Variants in BCKDHA observed in about 807,000 individuals in gnomAD.
The protein encoded by BCKDHA is branched chain keto acid dehydrogenase E1 subunit alpha, also known as 2-oxoisovalerate dehydrogenase subunit alpha, mitochondrial.
Under a neutral mutation model 52.2 loss-of-function variants are expected in BCKDHA, and 43 were observed. The observed-to-expected ratio is 0.82, with a 90% confidence interval of 0.64 to 1.06. The LOEUF is 1.06. Ranked by LOEUF, BCKDHA falls within the 50% of genes least tolerant of loss-of-function variation. The pLI is 0.00. For synonymous variants in BCKDHA, 234 were observed against 247.9 expected, an observed-to-expected ratio of 0.94 and a Z score of 0.53; for missense variants, 527 against 621.3, an observed-to-expected ratio of 0.85 and a Z score of 1.61.
At chr19:41,404,629 T>C (rs902622040) in intron 1 of BCKDHA, among the ~76,000 whole-genome samples, 3 of 151,752 alleles carry the variant, frequency 2.0e-5, no homozygotes, top group African/African-American at 2.4e-5. Context: ...AGTCTCACTC[T>C]GTCACCCAGG....
intron 4 of BCKDHA, among the ~76,000 whole-genome samples, chr19:41,416,178 A>C (rs2039306044): frequency 6.6e-6 from 1 of 151,988 alleles, no homozygotes; most frequent in Admixed American, 6.6e-5. Context: ...TCCTGACCTC[A>C]AGTGATTCGT....
intron 1 of BCKDHA, among the ~76,000 whole-genome samples, chr19:41,409,260 T>C (rs1198503414): frequency 3.9e-5 from 6 of 152,210 alleles, no homozygotes; most frequent in Non-Finnish European, 5.9e-5. Flanking sequence ...GCCGAGAATG[T>C]GCTTTCCCTG....
intron 1 of BCKDHA, among the ~76,000 whole-genome samples, chr19:41,403,019 C>T (rs1333571806): frequency 6.6e-6 from 1 of 152,150 alleles, no homozygotes; most frequent in Admixed American, 6.6e-5. Flanking sequence ...GAATGTGCCT[C>T]CTCCCACCTG....
chr19:41,424,040 G>C (rs1184891184), intron 8 of BCKDHA, among the ~76,000 whole-genome samples: 4 of 151,996 alleles, frequency 2.6e-5, no homozygotes, highest in African/African-American at 9.7e-5. Flanking sequence ...AACCGTGGTG[G>C]AGTGTACATG....
intron 1 of BCKDHA, among the ~76,000 whole-genome samples, chr19:41,406,303 C>T (rs73931477): frequency 0.034 from 5,155 of 152,228 alleles, 282 homozygotes; most frequent in African/African-American, 0.12. Context: ...TCTTAGTGCC[C>T]GTCTGAAGAC....
At chr19:41,405,816 C>G (rs978520091) in intron 1 of BCKDHA, among the ~76,000 whole-genome samples, 1 of 152,242 alleles carries the variant, frequency 6.6e-6, no homozygotes. Context: ...CCACCAGGGT[C>G]ACCCCAGTAC....
At chr19:41,418,813 TACAGGCATGA>T (rs1440272695) in intron 4 of BCKDHA, 7 of 443,858 alleles carry the variant, frequency 1.6e-5, no homozygotes, top group Non-Finnish European at 2.7e-5. Context: ...GTGCTGGGAT[TACAGGCATGA>T]ACCACCATGC....
intron 1 of BCKDHA, among the ~76,000 whole-genome samples, chr19:41,405,470 G>A (rs896838539): frequency 6.6e-6 from 1 of 151,836 alleles, no homozygotes; most frequent in African/African-American, 2.4e-5. Flanking sequence ...GTAGGGATGG[G>A]GTCTTGCCAT....
chr19:41,407,927 G>A (rs114008162), intron 1 of BCKDHA, among the ~76,000 whole-genome samples: 1,989 of 150,928 alleles, frequency 0.013, 51 homozygotes, highest in African/African-American at 0.043. Flanking sequence ...GAATCTCAGC[G>A]TTGGAAGCCC....
chr19:41,398,500 G>A (rs1399819930), intron 1 of BCKDHA, among the ~76,000 whole-genome samples: 1 of 152,162 alleles, frequency 6.6e-6, no homozygotes, highest in African/African-American at 2.4e-5. Context: ...GAGAATTCGT[G>A]TGTTCTGGAC....
Position 41,406,713 on chromosome 19 carries a change from G to A in BCKDHA, c.109-3924G>A, listed in dbSNP as rs1269276569. Among the ~76,000 whole-genome samples, 5 of 152,224 alleles carry A rather than the reference G, an allele frequency of 3.3e-5. No homozygotes were observed. In the East Asian group the frequency reaches 9.7e-4, roughly 29 times the overall value. ...GCCTCCCAAGTAGCTGGGATTACAGGCACCTACCATCATGCACGGCTGTTT... is the reference window on the plus strand; with the variant it reads ...GCCTCCCAAGTAGCTGGGATTACAGACACCTACCATCATGCACGGCTGTTT... On this transcript the variant is annotated intron_variant, in intron 1 of 8. Transcript: ENST00000269980.
intron 1 of BCKDHA, among the ~76,000 whole-genome samples, chr19:41,402,198 C>G (rs10409251): frequency 0.026 from 3,928 of 152,238 alleles, 166 homozygotes; most frequent in African/African-American, 0.089. Context: ...TTACCTCCCA[C>G]TGGCTCCTTC....
Position 41,424,604 on chromosome 19 carries a change from A to G in BCKDHA, c.1334A>G (p.Lys445Arg). The change falls in exon 9 of 9, where the codon AAG becomes AGG. Residue 445 changes from lysine (K) to arginine (R), a missense_variant. Lys to Arg is a conservative substitution (Grantham distance 26). Coordinates refer to ENST00000269980, the MANE Select transcript of BCKDHA (RefSeq NM_000709.4). ...CACTACCCACTGGATCACTTCGATAAGTGAGACCTGCTCAGCCCACCCCCA... is the reference window on the plus strand; with the variant it reads ...CACTACCCACTGGATCACTTCGATAGGTGAGACCTGCTCAGCCCACCCCCA... ...GEHYPLDHFD[K>R] 1 of 1,597,836 alleles carries G rather than the reference A, an allele frequency of 6.3e-7. No individual in the cohort carries two copies. Among genetic ancestry groups the G allele is most frequent in the East Asian group, 2.2e-5 (1 of 44,642 alleles).
chr19:41,405,618 T>A (rs1239580868), intron 1 of BCKDHA, among the ~76,000 whole-genome samples: 1 of 152,088 alleles, frequency 6.6e-6, no homozygotes. Context: ...AGAGACGAGG[T>A]CTCACTATGT....
At position 41,411,096 on chromosome 19, in the gene BCKDHA, A is replaced by C. The variant is rs534878617; in HGVS notation, c.375+87A>C. ...TGGGCCAAAGGAATGGCTCCCAAGG[A>C]GGACAGATTCTTTTTTGGGGGGGTT... On this transcript the variant is annotated intron_variant, in intron 3 of 8. Transcript: ENST00000269980. 32 of 1,431,074 alleles carry C rather than the reference A, an allele frequency of 2.2e-5. No individual in the cohort carries two copies. In the South Asian group the frequency reaches 3.6e-4, roughly 16 times the overall value. The allele number at this position is 1,431,074 out of a possible 1,614,324, so 88.6% of individuals were successfully genotyped here.
rs769454582 is a variant in BCKDHA, at chr19:41,422,918, C to T, written c.996-80C>T. The T allele has an allele frequency of 3.2e-6, 5 of 1,571,314 alleles. No individual in the cohort carries two copies. In the South Asian group the frequency reaches 3.4e-5, roughly 11 times the overall value. Reference sequence around the variant, plus strand: ...TTTATTCCGTTTCCACTCCTCCTTCCCTAGTTCATCCCCCATCCTCCCTCC... The same window carrying T: ...TTTATTCCGTTTCCACTCCTCCTTCTCTAGTTCATCCCCCATCCTCCCTCC... On this transcript the variant is annotated intron_variant, in intron 7 of 8. Coordinates refer to ENST00000269980, the MANE Select transcript of BCKDHA (RefSeq NM_000709.4).
rs779148114 is a variant in BCKDHA at position 41,414,163 on chromosome 19, T to TC, written c.484+7dup. The TC allele has an allele frequency of 1.2e-6, 2 of 1,613,004 alleles. No homozygotes were observed. The highest frequency in any genetic ancestry group is 1.7e-6 in the Non-Finnish European group (2 of 1,179,642). ...TGGCCAGTACCGGGAGGCAGGTACG[T>TC]CTGTCCGTGGTTTGGCCCTGTGGTC... On this transcript the variant is annotated splice_region_variant and intron_variant, in intron 4 of 8. Coordinates refer to ENST00000269980, the MANE Select transcript of BCKDHA (RefSeq NM_000709.4).
At chr19:41,405,914 C>A (rs1403566494) in intron 1 of BCKDHA, among the ~76,000 whole-genome samples, 2 of 152,208 alleles carry the variant, frequency 1.3e-5, no homozygotes, top group African/African-American at 4.8e-5. Context: ...TTGTGTAAAT[C>A]TGTGCAGCCT....
At chr19:41,402,761 C>T (rs138678914) in intron 1 of BCKDHA, among the ~76,000 whole-genome samples, 1 of 152,200 alleles carries the variant, frequency 6.6e-6, no homozygotes, top group Admixed American at 6.5e-5. Flanking sequence ...CTGCCTCCCC[C>T]TCTCGAGTAG....
Sources: allele counts gnomAD v4.1 joint callset (sites outside exome capture counted in the v4.1 genomes callset), GRCh38; gene constraint gnomAD v4.1.1; transcripts MANE v1.5; gene names NCBI Gene and HGNC (gene_info 2026-07-23, HGNC 2026-07-21).